CAMKMT: variants seen among roughly 807,000 people sequenced by gnomAD.
The protein encoded by CAMKMT is calmodulin-lysine N-methyltransferase.
CAMKMT carries 53 observed loss-of-function variants against 48.0 expected under a neutral mutation model. The observed-to-expected ratio is 1.10, with a 90% confidence interval of 0.89 to 1.39. The LOEUF (loss-of-function observed/expected upper bound fraction) is 1.39, where lower values mean the gene tolerates loss of function less well. Among genes scored for constraint, CAMKMT ranks in the 40% most tolerant of loss-of-function variants. The probability of loss-of-function intolerance (pLI) is 0.00; values close to 1 mark genes in which losing one functional copy is unlikely to be tolerated. For missense variants in CAMKMT, 428 were observed against 402.7 expected, an observed-to-expected ratio of 1.06 and a Z score of -0.54; for synonymous variants, 165 against 152.3, an observed-to-expected ratio of 1.08 and a Z score of -0.61.
chr2:44,594,753 C>G (rs1223069748), intron 3 of CAMKMT, among the ~76,000 whole-genome samples: 3 of 152,154 alleles, frequency 2.0e-5, no homozygotes, highest in East Asian at 3.8e-4. Flanking sequence ...TAGGCATGGG[C>G]AAAGACTTTA....
intron 3 of CAMKMT, among the ~76,000 whole-genome samples, chr2:44,699,694 G>A (rs1403858752): frequency 6.6e-6 from 1 of 152,082 alleles, no homozygotes; most frequent in Non-Finnish European, 1.5e-5. Context: ...ACAGCCTCCA[G>A]CTCCTGGGCT....
intron 2 of CAMKMT, among the ~76,000 whole-genome samples, chr2:44,379,711 AT>A (rs1212854266): frequency 2.1e-5 from 3 of 142,392 alleles, no homozygotes; most frequent in East Asian, 2.1e-4. Context: ...GGCCATTTGT[AT>A]TTTTTTTCTT....
intron 3 of CAMKMT, among the ~76,000 whole-genome samples, chr2:44,497,742 A>AGAGAGAGAGAGAGAGAGG: frequency 6.9e-6 from 1 of 143,948 alleles, no homozygotes; most frequent in Admixed American, 6.9e-5. Context: ...AGAGAGAGAG[A>AGAGAGAGAGAGAGAGAGG]GGGATAGTAT....
chr2:44,645,278 G>A (rs1347797312), intron 3 of CAMKMT, among the ~76,000 whole-genome samples: 1 of 152,226 alleles, frequency 6.6e-6, no homozygotes, highest in African/African-American at 2.4e-5. Flanking sequence ...ACATAACATG[G>A]AGAGTTTTAA....
chr2:44,529,108 A>G (rs1040514802), intron 3 of CAMKMT, among the ~76,000 whole-genome samples: 2 of 152,166 alleles, frequency 1.3e-5, no homozygotes, highest in African/African-American at 4.8e-5. Flanking sequence ...TAAATGCTTG[A>G]TTTCTTTCCC....
chr2:44,364,687 A>G (rs1426567698), intron 1 of CAMKMT, among the ~76,000 whole-genome samples: 2 of 152,246 alleles, frequency 1.3e-5, no homozygotes, highest in Admixed American at 6.5e-5. Context: ...GAACCGCAAC[A>G]TCACAGTGGC....
intron 3 of CAMKMT, among the ~76,000 whole-genome samples, chr2:44,679,794 C>G (rs1031536073): frequency 1.3e-5 from 2 of 152,206 alleles, no homozygotes; most frequent in African/African-American, 4.8e-5. Context: ...TGGCAGAATG[C>G]AAGCCACTCT....
chr2:44,569,038 G>A (rs996428530), intron 3 of CAMKMT, among the ~76,000 whole-genome samples: 5 of 152,148 alleles, frequency 3.3e-5, no homozygotes, highest in Non-Finnish European at 5.9e-5. Context: ...CTCAGTTTCT[G>A]GATTGTTCGG....
intron 3 of CAMKMT, among the ~76,000 whole-genome samples, chr2:44,462,729 C>T (rs1004407124): frequency 5.9e-5 from 9 of 151,962 alleles, no homozygotes; most frequent in Non-Finnish European, 8.8e-5. Context: ...GCAAGAGGAA[C>T]ATTATATGAA....
intron 9 of CAMKMT, among the ~76,000 whole-genome samples, chr2:44,758,684 G>A (rs1440973236): frequency 1.3e-5 from 2 of 152,178 alleles, no homozygotes; most frequent in East Asian, 3.9e-4. Context: ...CCTCTGGTGA[G>A]TGGCTTGTTG....
intron 3 of CAMKMT, among the ~76,000 whole-genome samples, chr2:44,499,477 G>T (rs1042259443): frequency 3.0e-4 from 45 of 152,284 alleles, no homozygotes; most frequent in African/African-American, 1.1e-3. Flanking sequence ...CTAGTGTGAA[G>T]GACATACTAA....
At position 44,657,760 on chromosome 2, in the gene CAMKMT, C is replaced by T. The variant is rs1041773816; in HGVS notation, c.377-46523C>T. ...ACCAAAAAAAGCTTATTTTGGTAAC[C>T]GAATAACTGACAATGATGGATTCTC... On this transcript the variant is annotated intron_variant, in intron 3 of 10. Transcript: ENST00000378494. This position sits in a 1 kb window ranked among gnomAD's most constrained non-coding sequence, Gnocchi z 4.3. Among the ~76,000 whole-genome samples the T allele has an allele frequency of 2.6e-5, 4 of 152,042 alleles. No homozygotes were observed. Among genetic ancestry groups the T allele is most frequent in the African/African-American group, 9.7e-5 (4 of 41,384 alleles).
chr2:44,733,560 T>A (rs919489708), intron 7 of CAMKMT, among the ~76,000 whole-genome samples: 1 of 152,208 alleles, frequency 6.6e-6, no homozygotes, highest in African/African-American at 2.4e-5. Flanking sequence ...TTAAGTATGA[T>A]GTTAACTATA....
chr2:44,522,376 G>A lies in CAMKMT; in HGVS notation c.376+132071G>A, dbSNP rs149374003. Among the ~76,000 whole-genome samples, 382 of 151,964 alleles carry A rather than the reference G, an allele frequency of 2.5e-3. 4 individuals are homozygous for A. The highest frequency in any genetic ancestry group is 0.012 in the Admixed American group (190 of 15,250). On this transcript the variant is annotated intron_variant, in intron 3 of 10. Transcript: ENST00000378494. ...TACAATTCCTTTAAAAATTTTGTAG[G>A]TTTACTGTGTATGTTACAATCTATC...
At chr2:44,689,407 T>C (rs2104213096) in intron 3 of CAMKMT, among the ~76,000 whole-genome samples, 1 of 151,884 alleles carries the variant, frequency 6.6e-6, no homozygotes, top group South Asian at 2.1e-4. Context: ...CAAGTGATTC[T>C]CCTGCCTCAG....
chr2:44,401,261 T>TA (rs1183120165), intron 3 of CAMKMT: 6 of 152,068 alleles, frequency 3.9e-5, no homozygotes, highest in Non-Finnish European at 4.4e-5. Flanking sequence ...AAACATGTTT[T>TA]AAAAATAATA....
chr2:44,654,637 C>T (rs915102166), intron 3 of CAMKMT, among the ~76,000 whole-genome samples: 8 of 152,018 alleles, frequency 5.3e-5, no homozygotes, highest in African/African-American at 1.4e-4. Context: ...CTTGGCCTCC[C>T]GAGTAGCTGG....
chr2:44,449,799 C>T (rs1305035931), intron 3 of CAMKMT, among the ~76,000 whole-genome samples: 6 of 152,078 alleles, frequency 3.9e-5, no homozygotes, highest in African/African-American at 1.4e-4. Context: ...TGATATTTTA[C>T]GTTCCTTAGT....
At chr2:44,553,990 G>A (rs1243910090) in intron 3 of CAMKMT, among the ~76,000 whole-genome samples, 1 of 152,144 alleles carries the variant, frequency 6.6e-6, no homozygotes, top group Admixed American at 6.5e-5. Flanking sequence ...AATATTAAGT[G>A]ACTTGCAAAT....
Sources: gnomAD v4.1 joint callset for allele counts (sites outside exome capture counted in the v4.1 genomes callset) on GRCh38, gnomAD v4.1.1 for gene constraint, Gnocchi (gnomAD v3.1) non-coding constraint, MANE v1.5 for transcripts, NCBI Gene and HGNC (gene_info 2026-07-23, HGNC 2026-07-21) for gene names.